CLVS1: variants seen among roughly 807,000 people sequenced by gnomAD.
CLVS1 encodes clavesin 1.
Under a neutral mutation model 33.1 loss-of-function variants are expected in CLVS1, and 10 were observed. The observed-to-expected ratio is 0.30, with a 90% CI of 0.19 to 0.51. The LOEUF is 0.51. Among genes scored for constraint, CLVS1 ranks in the 20% least tolerant of loss-of-function variants. CLVS1 has a pLI of 0.97. For synonymous variants in CLVS1, 163 were observed against 166.1 expected (o/e 0.98, Z 0.14); for missense variants, 343 against 433.4 (o/e 0.79, Z 1.85).
In CLVS1 at chr8:61,088,476, C is replaced by A. The variant is rs546253678; in HGVS notation, c.-243+31246C>A. On this transcript the variant is annotated intron_variant, in intron 1 of 2. Coordinates refer to the CLVS1 transcript ENST00000522621. ...CTGCACTCCAGCCAAGGTAACAGAG[C>A]GAGACTGTCTCAAAAAAAAAAAAAA... 2.5e-5 allele frequency among the ~76,000 whole-genome samples: 3 copies of A among 120,650 alleles called. No individual in the cohort carries two copies. The Admixed American group carries it at 2.8e-4, about 11-fold the overall frequency. The allele number at this position is 120,650 out of a possible 152,430, so 79.2% of individuals were successfully genotyped here.
chr8:61,329,203 A>ATCTCTCTCTCTC (rs34303330), intron 2 of CLVS1, among the ~76,000 whole-genome samples: 10 of 145,094 alleles, frequency 6.9e-5, no homozygotes, highest in African/African-American at 2.0e-4. Flanking sequence ...ACCCCTCCTC[A>ATCTCTCTCTCTC]TCTCTCTCTC....
intron 2 of CLVS1, among the ~76,000 whole-genome samples, chr8:61,352,858 C>T (rs750875249): frequency 2.6e-5 from 4 of 151,916 alleles, no homozygotes; most frequent in Non-Finnish European, 4.4e-5. Context: ...ATAGCATTTA[C>T]ATAGCATTAA....
At chr8:61,191,114 C>G (rs960171651) in intron 2 of CLVS1, among the ~76,000 whole-genome samples, 1 of 152,232 alleles carries the variant, frequency 6.6e-6, no homozygotes, top group East Asian at 1.9e-4. Flanking sequence ...AACATCGATG[C>G]AAAAATCCTC....
At chr8:61,171,255 G>A (rs1465964136) in intron 2 of CLVS1, among the ~76,000 whole-genome samples, 6 of 152,174 alleles carry the variant, frequency 3.9e-5, no homozygotes, top group Admixed American at 3.9e-4. Flanking sequence ...CATTGAAATA[G>A]ATAGTGAATT....
rs1810363347 is a variant in CLVS1, at chr8:61,299,792, T to C, written c.-36T>C. The C allele has an allele frequency of 2.6e-6, 4 of 1,516,412 alleles. No individual in the cohort carries two copies. Among genetic ancestry groups the C allele is most frequent in the Non-Finnish European group, 3.6e-6 (4 of 1,108,042 alleles). 93.9% of individuals were successfully genotyped at this position (1,516,412 alleles called of 1,614,324 possible). ...GGGGCAGCCTGGTAGTAAAACACTG[T>C]TGAATGGGCCACAGTTTCAGCAGAC... On this transcript the variant is annotated 5_prime_UTR_variant, in exon 2 of 6. Transcript: ENST00000325897.
At chr8:61,298,097 C>G (rs117871207) in intron 1 of CLVS1, among the ~76,000 whole-genome samples, 8 of 152,184 alleles carry the variant, frequency 5.3e-5, no homozygotes, top group Non-Finnish European at 1.2e-4. Context: ...ATAGTTTCAG[C>G]AGCATGTCAC....
At chr8:61,493,755 C>T (rs934445121) in intron 5 of CLVS1, among the ~76,000 whole-genome samples, 1 of 152,164 alleles carries the variant, frequency 6.6e-6, no homozygotes, top group African/African-American at 2.4e-5. Flanking sequence ...TTCCATAAAA[C>T]CAAGTTTGTT....
chr8:61,418,907 A>G (rs1192726105), intron 3 of CLVS1, among the ~76,000 whole-genome samples: 1 of 152,164 alleles, frequency 6.6e-6, no homozygotes, highest in African/African-American at 2.4e-5. Context: ...CAGTGCCAAC[A>G]ATGTGAGGAC....
At chr8:61,344,743 T>A (rs1442045669) in intron 2 of CLVS1, among the ~76,000 whole-genome samples, 2 of 152,332 alleles carry the variant, frequency 1.3e-5, no homozygotes, top group South Asian at 4.2e-4. Context: ...TCGTACTTTT[T>A]CCCTTTTTGA....
chr8:61,215,751 A>T (rs1000792883), intron 2 of CLVS1, among the ~76,000 whole-genome samples: 1 of 149,636 alleles, frequency 6.7e-6, no homozygotes, highest in African/African-American at 2.5e-5. Context: ...CATTTTATTC[A>T]TCCATGTAAA....
intron 2 of CLVS1, among the ~76,000 whole-genome samples, chr8:61,328,668 C>A (rs920892830): frequency 6.6e-6 from 1 of 152,190 alleles, no homozygotes; most frequent in Non-Finnish European, 1.5e-5. Flanking sequence ...AGCCCTCTAG[C>A]ATGCATGTTC....
intron 3 of CLVS1, among the ~76,000 whole-genome samples, chr8:61,409,885 G>A (rs1336392379): frequency 1.3e-5 from 2 of 151,992 alleles, no homozygotes; most frequent in Non-Finnish European, 2.9e-5. Flanking sequence ...GATTGAGATG[G>A]ATCATTTTTT....
rs188898077 is a variant in CLVS1, at chr8:61,402,832, T to C, written c.630+26053T>C. ...ATCTATCCTAGCAGTGCTGTGAATA[T>C]AGCTATGAATAAAAAAGACCAAAAT... On this transcript the variant is annotated intron_variant, in intron 3 of 5. Coordinates refer to ENST00000325897, the MANE Select transcript of CLVS1 (RefSeq NM_173519.3). Among the ~76,000 whole-genome samples, 24 of 152,304 alleles carry C rather than the reference T, an allele frequency of 1.6e-4. No homozygotes were observed. The East Asian group carries it at 4.4e-3, about 28-fold the overall frequency.
intron 2 of CLVS1, among the ~76,000 whole-genome samples, chr8:61,278,274 C>T (rs1201021805): frequency 6.6e-6 from 1 of 152,228 alleles, no homozygotes; most frequent in Non-Finnish European, 1.5e-5. Flanking sequence ...AAACTTTTTA[C>T]ATCTACTAAA....
intron 1 of CLVS1, among the ~76,000 whole-genome samples, chr8:61,081,795 G>C (rs1259964449): frequency 2.0e-5 from 3 of 152,158 alleles, no homozygotes; most frequent in East Asian, 1.9e-4. Context: ...CCAAATTAGA[G>C]AGACAGACAG....
chr8:61,253,743 A>G (rs1455876426), intron 2 of CLVS1, among the ~76,000 whole-genome samples: 4 of 152,204 alleles, frequency 2.6e-5, no homozygotes, highest in Admixed American at 2.6e-4. Context: ...TTCGTCACGT[A>G]GTTCTTGTGC....
the CLVS1 span, among the ~76,000 whole-genome samples, chr8:61,010,740 T>C: frequency 1.3e-5 from 2 of 152,340 alleles, no homozygotes; most frequent in Non-Finnish European, 2.9e-5. Context: ...GAATGGACTT[T>C]CTACCAGCTC....
chr8:61,119,502 G>A lies in CLVS1; in HGVS notation c.-242-12268G>A, dbSNP rs1468567704. On this transcript the variant is annotated intron_variant, in intron 1 of 2. Coordinates refer to the CLVS1 transcript ENST00000522621. ...TTACATTTTGGCATGATTTTGCAGC[G>A]GCTGGTACTGGTTGTTCCTTTCCAT... is the stretch of plus-strand genomic sequence containing the variant. 5.1e-3 allele frequency among the ~76,000 whole-genome samples: 762 copies of A among 148,248 alleles called. 4 individuals carry two copies. The highest frequency in any genetic ancestry group is 9.0e-3 in the Non-Finnish European group (600 of 66,564).
At chr8:61,262,119 T>G (rs1321000321) in intron 2 of CLVS1, among the ~76,000 whole-genome samples, 1 of 152,134 alleles carries the variant, frequency 6.6e-6, no homozygotes, top group East Asian at 1.9e-4. Flanking sequence ...TGAAGTGATC[T>G]CTTCTCATTT....
Sources: gnomAD v4.1 joint callset for allele counts (sites outside exome capture counted in the v4.1 genomes callset) on GRCh38, gnomAD v4.1.1 for gene constraint, MANE v1.5 for transcripts, NCBI Gene and HGNC (gene_info 2026-07-23, HGNC 2026-07-21) for gene names.